PNPT1: variants seen among roughly 807,000 people sequenced by gnomAD.
PNPT1 encodes polyribonucleotide nucleotidyltransferase 1.
Under a neutral mutation model 119.5 loss-of-function variants are expected in PNPT1, and 53 were observed. That is an observed-to-expected ratio of 0.44 (90% CI 0.36 to 0.56). PNPT1 has a LOEUF of 0.56. Among genes scored for constraint, PNPT1 ranks in the 20% least tolerant of loss-of-function variants. The pLI is 0.00. For synonymous variants in PNPT1, 357 were observed against 322.1 expected (o/e 1.11, Z -1.16); for missense variants, 948 against 938.5 (o/e 1.01, Z -0.13).
At position 55,645,080 on chromosome 2, in the gene PNPT1, G is replaced by C. The variant is rs937840386; in HGVS notation, c.1822+269C>G. 6 of 255,952 alleles carry C rather than the reference G, an allele frequency of 2.3e-5. No homozygotes were observed. The Admixed American group carries it at 2.6e-4, about 11-fold the overall frequency. 15.9% of individuals were successfully genotyped at this position (255,952 alleles called of 1,614,324 possible). ...ACTTTGTCGCCCAGGCTGGAGTGCAGTGGCGCGATCTCGGCTCACTGCAAG... is the reference window on the plus strand; with the variant it reads ...ACTTTGTCGCCCAGGCTGGAGTGCACTGGCGCGATCTCGGCTCACTGCAAG... On this transcript the variant is annotated intron_variant, in intron 22 of 27. Transcript: ENST00000447944.
At chr2:55,687,595 A>G in intron 2 of PNPT1, 50 bp downstream of exon 2, 1 of 1,351,130 alleles carries the variant, frequency 7.4e-7, no homozygotes, top group Non-Finnish European at 1.0e-6. Flanking sequence ...ATTTAGTATG[A>G]GTCTCCGTAA....
chr2:55,678,968 C>T (rs906729535), intron 8 of PNPT1, among the ~76,000 whole-genome samples: 1 of 152,166 alleles, frequency 6.6e-6, no homozygotes, highest in African/African-American at 2.4e-5. Flanking sequence ...GTCAAAAAGT[C>T]ACACACATCA....
At chr2:55,652,060 C>G (rs140028428) in intron 18 of PNPT1, among the ~76,000 whole-genome samples, 123 of 152,300 alleles carry the variant, frequency 8.1e-4, no homozygotes, top group African/African-American at 2.9e-3. Flanking sequence ...TCAACAATTA[C>G]TCAGCCTTTA....
intron 18 of PNPT1, among the ~76,000 whole-genome samples, chr2:55,651,011 G>T (rs1166955105): frequency 6.9e-6 from 1 of 144,024 alleles, no homozygotes; most frequent in African/African-American, 2.6e-5. Context: ...CTGCCCGGCC[G>T]CCCCTACTGG....
chr2:55,673,743 G>A (rs559045068), intron 8 of PNPT1, among the ~76,000 whole-genome samples: 3 of 152,032 alleles, frequency 2.0e-5, no homozygotes, highest in East Asian at 3.9e-4. Flanking sequence ...ACTGTGCCTG[G>A]CATCTTTTTA....
chr2:55,644,765 C>A, intron 22 of PNPT1, 45 bp from the exon 23 acceptor site: 1 of 1,407,430 alleles, frequency 7.1e-7, no homozygotes, highest in Non-Finnish European at 9.9e-7. Context: ...CAACTACATA[C>A]ATGAACCTAA....
At chr2:55,645,488 A>T in intron 21 of PNPT1, 56 bp from the exon 22 acceptor site, 1 of 1,154,586 alleles carries the variant, frequency 8.7e-7, no homozygotes, top group Non-Finnish European at 1.3e-6. Flanking sequence ...GATCTGAAAT[A>T]CTGTACTCTT....
chr2:55,660,257 A>G lies in PNPT1; in HGVS notation c.1248-64T>C, dbSNP rs1696523553. On this transcript the variant is annotated intron_variant, in intron 14 of 27. Coordinates refer to ENST00000447944, the MANE Select transcript of PNPT1 (RefSeq NM_033109.5). ...AAAAAACATATTTATTTCAAAACAC[A>G]ACTAAAACAGATTTAAGGGGATTTT... 1.8e-5 allele frequency: 26 copies of G among 1,479,076 alleles called. No homozygotes were observed. In the South Asian group the frequency reaches 3.5e-4, roughly 20 times the overall value. The allele number at this position is 1,479,076 out of a possible 1,614,324, so 91.6% of individuals were successfully genotyped here.
rs533808869 is a variant in PNPT1 at position 55,645,116 on chromosome 2, C to T, written c.1822+233G>A. On this transcript the variant is annotated intron_variant, in intron 22 of 27. Transcript: ENST00000447944. ...TCGGCTCACTGCAAGCTCCGCCTCC[C>T]GGGTTCATGCCATTCTCCTGCCTCA... is the stretch of plus-strand genomic sequence containing the variant. 5.9e-4 allele frequency: 189 copies of T among 318,094 alleles called. 1 individual carries two copies. In the South Asian group the frequency reaches 8.7e-3, roughly 15 times the overall value. 19.7% of individuals were successfully genotyped at this position (318,094 alleles called of 1,614,324 possible).
At chr2:55,674,761 A>T (rs1697013115) in intron 8 of PNPT1, among the ~76,000 whole-genome samples, 2 of 152,196 alleles carry the variant, frequency 1.3e-5, no homozygotes, top group South Asian at 2.1e-4. Context: ...TTGCATTCCA[A>T]ATGGGAGAGG....
intron 15 of PNPT1, among the ~76,000 whole-genome samples, chr2:55,656,925 G>A (rs570399472): frequency 7.2e-5 from 11 of 152,242 alleles, no homozygotes; most frequent in African/African-American, 2.6e-4. Context: ...TTTCCATAAG[G>A]GTTTTATTTT....
Position 55,636,104 on chromosome 2 carries a change from T to C in PNPT1, c.*133A>G, listed in dbSNP as rs1695662065. On this transcript the variant is annotated 3_prime_UTR_variant, in exon 28 of 28. Coordinates refer to ENST00000447944, the MANE Select transcript of PNPT1 (RefSeq NM_033109.5). Reference sequence around the variant, plus strand: ...AAAAAATGGCACATGTAAATGAGCATTTTAGTACAAATAATTAAAATGTAT... The same window carrying C: ...AAAAAATGGCACATGTAAATGAGCACTTTAGTACAAATAATTAAAATGTAT... The C allele has an allele frequency of 3.6e-6, 2 of 553,714 alleles. No homozygotes were observed. Among genetic ancestry groups the C allele is most frequent in the Non-Finnish European group, 5.5e-6 (2 of 365,542 alleles). 34.3% of individuals were successfully genotyped at this position (553,714 alleles called of 1,614,324 possible). A position where few individuals can be genotyped will look rare whatever the true frequency, so the allele number is the denominator to read the frequency against.
chr2:55,653,406 A>G (rs1469398902), intron 18 of PNPT1, among the ~76,000 whole-genome samples: 4 of 152,236 alleles, frequency 2.6e-5, no homozygotes, highest in Admixed American at 6.5e-5. Context: ...ATCTGAATTC[A>G]TTTAAAAATG....
intron 13 of PNPT1, among the ~76,000 whole-genome samples, chr2:55,666,214 C>T (rs1696724903): frequency 6.6e-6 from 1 of 152,134 alleles, no homozygotes; most frequent in African/African-American, 2.4e-5. Flanking sequence ...TACAAAAAGG[C>T]ATGAGGAAAC....
chr2:55,678,918 G>C (rs1012780776), intron 8 of PNPT1, among the ~76,000 whole-genome samples: 2 of 152,168 alleles, frequency 1.3e-5, no homozygotes, highest in Admixed American at 6.5e-5. Flanking sequence ...AAGTTGAATA[G>C]TTTGTTTCAT....
In PNPT1 at chr2:55,690,499, G is replaced by A. The variant is rs971621102; in HGVS notation, c.162-2794C>T. On this transcript the variant is annotated intron_variant, in intron 1 of 27. Coordinates refer to ENST00000447944, the MANE Select transcript of PNPT1 (RefSeq NM_033109.5). ...GATTATTCTGTCTTTCACATACCAA[G>A]GAGATGAAGGAACAACCCTTAATAT... Among the ~76,000 whole-genome samples, 7 of 152,236 alleles carry A rather than the reference G, an allele frequency of 4.6e-5. No individual in the cohort carries two copies. In the South Asian group the frequency reaches 8.3e-4, roughly 18 times the overall value.
rs772722575 is a variant in PNPT1, at chr2:55,636,283, A to G, written c.2306T>C (p.Ile769Thr). 2.5e-6 allele frequency: 4 copies of G among 1,613,852 alleles called. No homozygotes were observed. The highest frequency in any genetic ancestry group is 1.1e-5 in the South Asian group (1 of 91,068). ...CTGTGAAATAGGTTCTCCCATTACA[A>G]TACTACTTCTGTCATTCAAAGTTCT... ...VVRTLNDRSS[I>T]VMGEPISQSS... is the part of the protein sequence containing the mutation. Residue 769 changes from isoleucine (I) to threonine (T), a missense_variant, in exon 28 of 28, where the codon ATT becomes ACT. Coordinates refer to ENST00000447944, the MANE Select transcript of PNPT1 (RefSeq NM_033109.5).
intron 1 of PNPT1, 76 bp downstream of exon 1, chr2:55,693,587 C>G (rs1697691162): frequency 6.4e-7 from 1 of 1,573,770 alleles, no homozygotes; most frequent in Non-Finnish European, 8.7e-7. Context: ...GGGTTTCTAC[C>G]CTGGGAGATG....
intron 27 of PNPT1, 92 bp from the exon 28 acceptor site, chr2:55,636,484 G>A: frequency 3.0e-6 from 4 of 1,335,168 alleles, no homozygotes; most frequent in Non-Finnish European, 4.1e-6. Flanking sequence ...GTCCAAATAA[G>A]GCAATGATTG....
Sources: allele counts gnomAD v4.1 joint callset (sites outside exome capture counted in the v4.1 genomes callset), GRCh38; gene constraint gnomAD v4.1.1; transcripts MANE v1.5; gene names NCBI Gene and HGNC (gene_info 2026-07-23, HGNC 2026-07-21).